Variants in THSD7A observed in about 807,000 individuals in gnomAD.
The protein encoded by THSD7A is thrombospondin type 1 domain containing 7A.
In THSD7A, 96 loss-of-function variants were observed where a neutral mutation model predicts 231.3. The ratio of observed to expected loss-of-function variants is 0.41; its 90% confidence interval spans 0.35 to 0.49. The LOEUF is 0.49. Ranked by LOEUF, THSD7A falls within the 20% of genes least tolerant of loss-of-function variation. THSD7A has a pLI of 0.05. For synonymous variants in THSD7A, 940 were observed against 743.3 expected, an observed-to-expected ratio of 1.26 and a Z score of -4.30; for missense variants, 2,290 against 2,070.2, an observed-to-expected ratio of 1.11 and a Z score of -2.06.
chr7:11,708,382 C>A (rs896600095), intron 1 of THSD7A, among the ~76,000 whole-genome samples: 6 of 150,586 alleles, frequency 4.0e-5, no homozygotes, highest in Non-Finnish European at 8.9e-5. Context: ...AACAAAATAA[C>A]CATCAATGAG....
At chr7:11,788,717 A>G (rs1346376094) in intron 1 of THSD7A, among the ~76,000 whole-genome samples, 1 of 151,890 alleles carries the variant, frequency 6.6e-6, no homozygotes, top group African/African-American at 2.4e-5. Flanking sequence ...TTCAAATTTC[A>G]TTTTTACTAC....
intron 1 of THSD7A, among the ~76,000 whole-genome samples, chr7:11,705,366 G>T (rs1780730721): frequency 6.6e-6 from 1 of 151,034 alleles, no homozygotes; most frequent in Non-Finnish European, 1.5e-5. Context: ...GCAATAATTT[G>T]ATGTAAATGC....
At position 11,632,716 on chromosome 7, in the gene THSD7A, C is replaced by T. The variant is rs998625199; in HGVS notation, c.1022+3414G>A. ...CGTCCCAGCTTTCAGTCTGATGTCT[C>T]TTCACCTATCTCTCTCCATAAAAGT... is the stretch of plus-strand genomic sequence containing the variant. On this transcript the variant is annotated intron_variant, in intron 2 of 27. Coordinates refer to ENST00000423059, the MANE Select transcript of THSD7A (RefSeq NM_015204.3). The surrounding 1 kb of genome is among the most constrained non-coding windows in gnomAD (Gnocchi z 4.1). 6.6e-6 allele frequency among the ~76,000 whole-genome samples: 1 copy of T among 152,196 alleles called. No individual in the cohort carries two copies. The highest frequency in any genetic ancestry group is 2.4e-5 in the African/African-American group (1 of 41,456).
chr7:11,659,916 C>T (rs1782862696), intron 1 of THSD7A, among the ~76,000 whole-genome samples: 1 of 151,460 alleles, frequency 6.6e-6, no homozygotes, highest in Non-Finnish European at 1.5e-5. Flanking sequence ...ATTGGCAATG[C>T]TCAGGAATGT....
chr7:11,786,948 T>A (rs556444082), intron 1 of THSD7A, among the ~76,000 whole-genome samples: 1,945 of 152,154 alleles, frequency 0.013, 34 homozygotes, highest in African/African-American at 0.045. Context: ...CCTTAGGCAT[T>A]TTAGTGACAT....
chr7:11,747,441 T>A lies in THSD7A; in HGVS notation c.190+84316A>T, dbSNP rs931611888. 4.6e-5 allele frequency among the ~76,000 whole-genome samples: 7 copies of A among 151,902 alleles called. No homozygotes were observed. In the East Asian group the frequency reaches 1.4e-3, roughly 29 times the overall value. The stretch of plus-strand genomic sequence containing the variant: ...TTGAGAATACCAAAATACAGAAAAA[T>A]TCAATCAAATTTTAAAGTTGGTACT... On this transcript the variant is annotated intron_variant, in intron 1 of 27. Coordinates refer to ENST00000423059, the MANE Select transcript of THSD7A (RefSeq NM_015204.3).
chr7:11,507,630 G>C (rs1400565640), intron 6 of THSD7A, among the ~76,000 whole-genome samples: 7 of 146,480 alleles, frequency 4.8e-5, no homozygotes, highest in Non-Finnish European at 7.6e-5. Context: ...TTAACTGCTG[G>C]AGTTGTTACA....
At chr7:11,811,320 T>TA (rs1464093472) in intron 1 of THSD7A, among the ~76,000 whole-genome samples, 1 of 152,200 alleles carries the variant, frequency 6.6e-6, no homozygotes, top group East Asian at 1.9e-4. Context: ...TCCTCTGGGT[T>TA]AAAATTGCTA....
chr7:11,543,598 G>C (rs27), intron 4 of THSD7A, among the ~76,000 whole-genome samples: 108,521 of 152,034 alleles, frequency 0.71, 39,091 homozygotes, highest in Admixed American at 0.84. Context: ...TTGAGAGGTA[G>C]CAGGTGAGAT....
chr7:11,751,608 G>T (rs1031836867), intron 1 of THSD7A, among the ~76,000 whole-genome samples: 3 of 151,896 alleles, frequency 2.0e-5, no homozygotes, highest in African/African-American at 7.3e-5. Flanking sequence ...AATCTTCTTT[G>T]CAGGCAGTGA....
rs1175888494 is a variant in THSD7A at position 11,424,558 on chromosome 7, A to G, written c.3383+138T>C. On this transcript the variant is annotated intron_variant, in intron 16 of 27. Coordinates refer to ENST00000423059, the MANE Select transcript of THSD7A (RefSeq NM_015204.3). The stretch of plus-strand genomic sequence containing the variant: ...GCAGATTCTCTTAGAGTTTTCTATG[A>G]GCACAGATTCCCTAAAAGCAAAACT... 8 of 1,178,594 alleles carry G rather than the reference A, an allele frequency of 6.8e-6. No individual in the cohort carries two copies. The South Asian group carries it at 1.0e-4, about 15-fold the overall frequency. 73.0% of individuals were successfully genotyped at this position (1,178,594 alleles called of 1,614,324 possible).
At chr7:11,484,727 T>TAGAGATCTA (rs956567233) in intron 6 of THSD7A, among the ~76,000 whole-genome samples, 5 of 151,970 alleles carry the variant, frequency 3.3e-5, no homozygotes, top group African/African-American at 1.2e-4. Context: ...TCTAGACAAA[T>TAGAGATCTA]AGAGATCTAA....
At chr7:11,407,091 T>G (rs746980172) in intron 20 of THSD7A, 36 bp from the exon 21 acceptor site, 1 of 1,609,516 alleles carries the variant, frequency 6.2e-7, no homozygotes, top group South Asian at 1.1e-5. Context: ...CTTTAATATA[T>G]GTTATGGTTT....
At position 11,447,438 on chromosome 7, in the gene THSD7A, A is replaced by G; in HGVS notation, c.2606-14T>C. On this transcript the variant is annotated splice_polypyrimidine_tract_variant and intron_variant, in intron 11 of 27. Coordinates refer to ENST00000423059, the MANE Select transcript of THSD7A (RefSeq NM_015204.3). ...GACAAGTAATGGCTAAAAGAAAAGC[A>G]TAAAGCTGTTATAACAAATTCAAAC... The G allele has an allele frequency of 7.2e-6, 11 of 1,520,576 alleles. No individual in the cohort carries two copies. Among genetic ancestry groups the G allele is most frequent in the Non-Finnish European group, 8.8e-6 (10 of 1,136,924 alleles). 94.2% of individuals were successfully genotyped at this position (1,520,576 alleles called of 1,614,324 possible).
chr7:11,394,459 G>A (rs913204213), intron 23 of THSD7A, among the ~76,000 whole-genome samples: 1 of 152,148 alleles, frequency 6.6e-6, no homozygotes, highest in Non-Finnish European at 1.5e-5. Context: ...CCTTCGGAAA[G>A]GTGCGAAGGC....
intron 6 of THSD7A, among the ~76,000 whole-genome samples, chr7:11,540,794 A>G (rs2128322412): frequency 6.6e-6 from 1 of 152,308 alleles, no homozygotes; most frequent in African/African-American, 2.4e-5. Flanking sequence ...ATTAGTTGTA[A>G]AAGTCCAAGG....
chr7:11,570,130 C>T (rs1300178033), intron 4 of THSD7A, among the ~76,000 whole-genome samples: 2 of 151,770 alleles, frequency 1.3e-5, no homozygotes, highest in African/African-American at 4.8e-5. Context: ...GTGACCCTGC[C>T]ACCACACTCC....
intron 2 of THSD7A, among the ~76,000 whole-genome samples, chr7:11,621,172 C>T (rs991582022): frequency 1.3e-5 from 2 of 152,166 alleles, no homozygotes; most frequent in African/African-American, 4.8e-5. Flanking sequence ...ATTAAGATGA[C>T]ACAGCAGAGA....
Position 11,509,821 on chromosome 7 carries a change from C to CAAAAAAAAAAAAAAAAA in THSD7A, c.1823-27840_1823-27839insTTTTTTTTTTTTTTTTT, listed in dbSNP as rs751048602. Among the ~76,000 whole-genome samples the CAAAAAAAAAAAAAAAAA allele has an allele frequency of 1.8e-3, 73 of 39,920 alleles. 8 individuals carry two copies. The highest frequency in any genetic ancestry group is 0.017 in the Middle Eastern group (1 of 60). 26.2% of individuals were successfully genotyped at this position (39,920 alleles called of 152,430 possible). On this transcript the variant is annotated intron_variant, in intron 6 of 27. Transcript: ENST00000423059. ...TGGGCGACAGAGCCAGAGTCCGTCT[C>CAAAAAAAAAAAAAAAAA]AAAAAAAAAAAAAAATAACATCTGA...
Sources: allele counts gnomAD v4.1 joint callset (sites outside exome capture counted in the v4.1 genomes callset), GRCh38; gene constraint gnomAD v4.1.1; non-coding constraint Gnocchi (gnomAD v3.1); transcripts MANE v1.5; gene names NCBI Gene and HGNC (gene_info 2026-07-23, HGNC 2026-07-21).